AFAP1L2: variants seen among roughly 807,000 people sequenced by gnomAD.
AFAP1L2 encodes the protein actin filament-associated protein 1-like 2.
In AFAP1L2, 46 loss-of-function variants were observed where a neutral mutation model predicts 99.3. The ratio of observed to expected loss-of-function variants is 0.46; its 90% confidence interval spans 0.37 to 0.59. The LOEUF (loss-of-function observed/expected upper bound fraction) is 0.59. Among genes scored for constraint, AFAP1L2 ranks in the 20% least tolerant of loss-of-function variants. AFAP1L2 has a pLI of 0.00. For missense variants in AFAP1L2, 959 were observed against 1,034.9 expected (o/e 0.93, Z 1.01); for synonymous variants, 397 against 419.1 (o/e 0.95, Z 0.64).
At chr10:114,334,139 G>C (rs2047599765) in intron 2 of AFAP1L2, among the ~76,000 whole-genome samples, 1 of 152,164 alleles carries the variant, frequency 6.6e-6, no homozygotes, top group African/African-American at 2.4e-5. Flanking sequence ...CCAGCCACCT[G>C]CTCTACCCTA....
In AFAP1L2 at chr10:114,321,885, G is replaced by A. The variant is rs1311832706; in HGVS notation, c.406+1286C>T. On this transcript the variant is annotated intron_variant, in intron 5 of 18. Transcript: ENST00000304129. ...GAGCCGCTCACACAGTGTCCAGGGC[G>A]ATCTTTTCAATACCTAAGTGATATA... Among the ~76,000 whole-genome samples, 45 of 152,296 alleles carry A rather than the reference G, an allele frequency of 3.0e-4. 1 individual carries two copies. Among genetic ancestry groups the A allele is most frequent in the Admixed American group, 2.7e-3 (41 of 15,304 alleles).
rs2040345734 is a variant in AFAP1L2, at chr10:114,297,020, CGA to C, written c.2386_2387del (p.Ser796GlyfsTer45). The C allele has an allele frequency of 6.2e-7, 1 of 1,613,968 alleles. No homozygotes were observed. Among genetic ancestry groups the C allele is most frequent in the Non-Finnish European group, 8.5e-7 (1 of 1,180,020 alleles). The part of the protein sequence containing the change: ...SATTLKNRPL[S>X]VVVTGKGTVL... ...CAGTGCCTTTGCCTGTGACCACGAC[CGA>C]GAGAGGCCTGTTCTTGAGTGTGGTT... On this transcript the variant is annotated frameshift_variant, in exon 18 of 19. Coordinates refer to ENST00000304129, the MANE Select transcript of AFAP1L2 (RefSeq NM_001001936.3). LOFTEE classifies it high-confidence loss of function.
chr10:114,304,982 C>T (rs1292714889), intron 10 of AFAP1L2, 52 bp from the exon 11 acceptor site: 7 of 1,137,462 alleles, frequency 6.2e-6, no homozygotes, highest in Non-Finnish European at 8.3e-6. Flanking sequence ...GGAGGGGACG[C>T]AGATGCAGGA....
At chr10:114,291,633 GA>G (rs2039609938), downstream of AFAP1L2, 1 of 191,988 alleles carries the variant, frequency 5.2e-6, no homozygotes, top group South Asian at 1.0e-4. Context: ...ATGCTCGCCA[GA>G]ATGTTGTTGA....
Position 114,340,728 on chromosome 10 carries a change from A to G in AFAP1L2, c.20T>C (p.Leu7Pro), listed in dbSNP as rs148962342. 2.5e-5 allele frequency: 41 copies of G among 1,614,076 alleles called. 1 individual carries two copies. The highest frequency in any genetic ancestry group is 3.4e-5 in the Non-Finnish European group (40 of 1,180,026). The change falls in exon 2 of 19, where the codon CTG becomes CCG. Residue 7 changes from leucine (L) to proline (P), a missense_variant. Physicochemically the swap from Leu to Pro is moderately conservative, Grantham distance 98 (BLOSUM62 -3). This residue lies in a region of AFAP1L2 where 383 missense variants were observed against 472.8 expected (regional missense o/e 0.81). Transcript: ENST00000304129. ...ATCCAACTCTGTCAGCAGCTGTTCC[A>G]GGGCTAGGGACAGGAAACAGAAGAA... is the stretch of plus-strand genomic sequence containing the variant. Reference protein sequence around the residue: MERYKALEQLLTELDDF... With the variant: MERYKAPEQLLTELDDF...
At chr10:114,300,155 T>C (rs1428526229) in intron 15 of AFAP1L2, 39 bp downstream of exon 15, 5 of 1,613,754 alleles carry the variant, frequency 3.1e-6, no homozygotes. Flanking sequence ...CCCTGACTAA[T>C]ACAGATGGAA....
chr10:114,374,399 A>C (rs987689690), intron 1 of AFAP1L2, among the ~76,000 whole-genome samples: 3 of 152,182 alleles, frequency 2.0e-5, no homozygotes, highest in Non-Finnish European at 2.9e-5. Flanking sequence ...CAGGACTGAC[A>C]ATCAGGACAG....
intron 2 of AFAP1L2, among the ~76,000 whole-genome samples, chr10:114,336,383 C>G (rs570773987): frequency 6.6e-6 from 1 of 152,234 alleles, no homozygotes; most frequent in African/African-American, 2.4e-5. Context: ...CATTCAGCAT[C>G]AGCACTGTGC....
intron 5 of AFAP1L2, among the ~76,000 whole-genome samples, chr10:114,322,649 C>T (rs1447036452): frequency 6.6e-6 from 1 of 152,226 alleles, no homozygotes; most frequent in African/African-American, 2.4e-5. Context: ...CCGACACATG[C>T]TGTTTATTTG....
the AFAP1L2 span, chr10:114,289,076 TC>T: frequency 6.2e-7 from 1 of 1,614,108 alleles, no homozygotes; most frequent in Non-Finnish European, 8.5e-7. Context: ...GTGACACAGG[TC>T]GGCCTGGTGG....
intron 1 of AFAP1L2, among the ~76,000 whole-genome samples, chr10:114,348,641 CG>C (rs1554926137): frequency 6.6e-6 from 1 of 152,216 alleles, no homozygotes; most frequent in Non-Finnish European, 1.5e-5. Flanking sequence ...CTTTACAGGA[CG>C]TGCTCTACTT....
chr10:114,304,773 G>A lies in AFAP1L2; in HGVS notation c.1230C>T (p.Asp410=). Residue 410 remains aspartate, a synonymous_variant, in exon 11 of 19, where the codon GAC becomes GAT. Transcript: ENST00000304129. The part of the protein sequence containing the change: ...GCEVVPDPSP[D]HLYSFRILHK... ...GGAGGATGCGGAAGGAGTAGAGGTGGTCGGGGCTGGGGTCTGGGACCACCT... is the reference window on the plus strand; with the variant it reads ...GGAGGATGCGGAAGGAGTAGAGGTGATCGGGGCTGGGGTCTGGGACCACCT... 1.2e-6 allele frequency: 2 copies of A among 1,613,010 alleles called. No homozygotes were observed. Among genetic ancestry groups the A allele is most frequent in the African/African-American group, 1.3e-5 (1 of 75,044 alleles).
At chr10:114,307,708 A>T in intron 10 of AFAP1L2, 97 bp downstream of exon 10, 1 of 970,276 alleles carries the variant, frequency 1.0e-6, no homozygotes, top group Non-Finnish European at 1.6e-6. Flanking sequence ...TTTACGGAAG[A>T]CCTAAAACCC....
At chr10:114,315,039 G>A (rs2043891361) in intron 6 of AFAP1L2, among the ~76,000 whole-genome samples, 1 of 152,156 alleles carries the variant, frequency 6.6e-6, no homozygotes, top group Non-Finnish European at 1.5e-5. Flanking sequence ...TACTCAGGAG[G>A]CTGAGGCAGG....
chr10:114,401,756 CA>C, intron 1 of AFAP1L2, among the ~76,000 whole-genome samples: 1 of 152,302 alleles, frequency 6.6e-6, no homozygotes, highest in Non-Finnish European at 1.5e-5. Context: ...AACCACCCAT[CA>C]TCTCCAGACC....
chr10:114,342,806 T>G (rs2049002044), intron 1 of AFAP1L2, among the ~76,000 whole-genome samples: 1 of 152,222 alleles, frequency 6.6e-6, no homozygotes, highest in Admixed American at 6.5e-5. Flanking sequence ...AGTTTGGTAA[T>G]TTGTTACCAC....
the AFAP1L2 span, among the ~76,000 whole-genome samples, chr10:114,288,328 C>T: frequency 6.6e-6 from 1 of 152,222 alleles, no homozygotes; most frequent in Admixed American, 6.5e-5. Flanking sequence ...ATTCTATGTT[C>T]ATTTCATGTC....
At chr10:114,373,222 G>A (rs1354829176) in intron 1 of AFAP1L2, among the ~76,000 whole-genome samples, 2 of 152,136 alleles carry the variant, frequency 1.3e-5, no homozygotes, top group South Asian at 2.1e-4. Flanking sequence ...CAGCCTGTGT[G>A]GCAGTGAGAC....
At chr10:114,282,957 A>T in the AFAP1L2 span, among the ~76,000 whole-genome samples, 1 of 152,160 alleles carries the variant, frequency 6.6e-6, no homozygotes, top group African/African-American at 2.4e-5. Context: ...TCCCTCCTCC[A>T]TGTGAAAGGG....
Sources: gnomAD v4.1 joint callset for allele counts (sites outside exome capture counted in the v4.1 genomes callset) on GRCh38, gnomAD v4.1.1 for gene constraint, gnomAD v4.1.1 regional missense constraint, MANE v1.5 for transcripts, NCBI Gene and HGNC (gene_info 2026-07-23, HGNC 2026-07-21) for gene names.